The following DNAH14 variants were observed in gnomAD, a reference collection of about 807,000 sequenced individuals.
DNAH14 encodes the protein axonemal beta dynein heavy chain 14.
Under a neutral mutation model 520.9 loss-of-function variants are expected in DNAH14, and 478 were observed. The observed-to-expected ratio is 0.92, with a 90% CI of 0.85 to 0.99. The LOEUF (loss-of-function observed/expected upper bound fraction) is 0.99, where lower values mean the gene tolerates loss of function less well. Ranked by LOEUF, DNAH14 falls within the 50% of genes least tolerant of loss-of-function variation. The pLI, the probability that DNAH14 is intolerant of heterozygous loss-of-function variation, is 0.00. For synonymous variants in DNAH14, 1,581 were observed against 1,757.2 expected (o/e 0.90, Z 2.51); for missense variants, 4,831 against 5,234.5 (o/e 0.92, Z 2.38).
intron 27 of DNAH14, among the ~76,000 whole-genome samples, chr1:225,128,795 C>T (rs756680833): frequency 0.011 from 1,708 of 151,930 alleles, 17 homozygotes; most frequent in Non-Finnish European, 0.016. Flanking sequence ...CTATTCAACA[C>T]AGTGTTGGAA....
chr1:225,331,671 C>A, intron 65 of DNAH14, 94 bp downstream of exon 65: 5 of 1,452,650 alleles, frequency 3.4e-6, no homozygotes, highest in South Asian at 1.3e-5. Context: ...GTATCATATA[C>A]CTTCTAAAAC....
chr1:225,269,109 T>C (rs1190888663), intron 49 of DNAH14, among the ~76,000 whole-genome samples: 1 of 152,166 alleles, frequency 6.6e-6, no homozygotes, highest in Non-Finnish European at 1.5e-5. Flanking sequence ...CAAAACAGCA[T>C]CGTGCTGGTA....
intron 55 of DNAH14, among the ~76,000 whole-genome samples, chr1:225,296,901 T>G (rs893985805): frequency 7.9e-5 from 12 of 152,160 alleles, no homozygotes; most frequent in African/African-American, 2.9e-4. Flanking sequence ...TCTTGCCATT[T>G]TTAGAATCTT....
At chr1:225,198,145 C>T (rs1333720611) in intron 38 of DNAH14, among the ~76,000 whole-genome samples, 1 of 152,048 alleles carries the variant, frequency 6.6e-6, no homozygotes, top group Non-Finnish European at 1.5e-5. Context: ...TCAACTTTTT[C>T]CCACTCACTA....
At chr1:224,948,188 G>A (rs2059965121) in intron 1 of DNAH14, among the ~76,000 whole-genome samples, 1 of 150,590 alleles carries the variant, frequency 6.6e-6, no homozygotes, top group Admixed American at 6.6e-5. Context: ...TCTCCCTATG[G>A]TTCTTTCAGT....
chr1:225,140,738 T>TA (rs770942314), intron 27 of DNAH14, 30 bp from the exon 28 acceptor site: 37 of 1,338,350 alleles, frequency 2.8e-5, no homozygotes, highest in South Asian at 2.5e-4. Flanking sequence ...TAGAGAGAGA[T>TA]ATATATATAA....
intron 42 of DNAH14, among the ~76,000 whole-genome samples, chr1:225,235,879 A>G (rs1283012265): frequency 6.6e-6 from 1 of 152,076 alleles, no homozygotes; most frequent in Non-Finnish European, 1.5e-5. Context: ...GGAGTCATTG[A>G]TGATATTCCC....
intron 54 of DNAH14, among the ~76,000 whole-genome samples, chr1:225,288,376 G>T (rs1198397689): frequency 6.6e-6 from 1 of 152,142 alleles, no homozygotes; most frequent in South Asian, 2.1e-4. Context: ...AGCTTAAGGA[G>T]ATTTGGCTGC....
intron 38 of DNAH14, among the ~76,000 whole-genome samples, chr1:225,194,829 A>T (rs982970808): frequency 2.0e-5 from 3 of 151,470 alleles, no homozygotes; most frequent in African/African-American, 7.2e-5. Flanking sequence ...AGAAAAAAAC[A>T]TCCCCACTAA....
chr1:225,390,192 C>T (rs1052730022), intron 83 of DNAH14, among the ~76,000 whole-genome samples: 2 of 152,116 alleles, frequency 1.3e-5, no homozygotes, highest in African/African-American at 2.4e-5. Context: ...CTCCAAAGGC[C>T]GTGACAAAGG....
chr1:224,931,279 A>G (rs1241820431), intron 1 of DNAH14, among the ~76,000 whole-genome samples: 1 of 152,236 alleles, frequency 6.6e-6, no homozygotes, highest in Non-Finnish European at 1.5e-5. Context: ...GTGTTATTAC[A>G]AAAGAGTAAG....
intron 38 of DNAH14, among the ~76,000 whole-genome samples, chr1:225,203,899 T>C (rs887558755): frequency 1.3e-5 from 2 of 152,260 alleles, no homozygotes; most frequent in Non-Finnish European, 2.9e-5. Flanking sequence ...AAAGAACTTT[T>C]GCTTTCTTGT....
In DNAH14 at chr1:225,308,360, G is replaced by C. The variant is rs2094292462; in HGVS notation, c.9190G>C (p.Asp3064His). 2.6e-6 allele frequency: 4 copies of C among 1,543,144 alleles called. No homozygotes were observed. The highest frequency in any genetic ancestry group is 3.5e-6 in the Non-Finnish European group (4 of 1,144,692). Residue 3064 changes from aspartate (D) to histidine (H), a missense_variant, in exon 60 of 86, where the codon GAT (aspartate) becomes CAT (histidine). Coordinates refer to ENST00000682510, the MANE Select transcript of DNAH14 (RefSeq NM_001367479.1). ...GAAAGTTCAGATGCTTGTTAAACAG[G>C]ATGAAGAAATTGTGGCAGAAGAAGT... Reference protein sequence around the residue: ...VEKVQMLVKQDEEIVAEEVRI... With the variant: ...VEKVQMLVKQHEEIVAEEVRI...
At chr1:225,240,530 T>A in intron 42 of DNAH14, 63 bp from the exon 43 acceptor site, 1 of 997,312 alleles carries the variant, frequency 1.0e-6, no homozygotes, top group Non-Finnish European at 1.5e-6. Flanking sequence ...TAAAGTAAAT[T>A]TCTATTCTTA....
intron 27 of DNAH14, among the ~76,000 whole-genome samples, chr1:225,137,679 C>T (rs1403323021): frequency 6.6e-6 from 1 of 152,048 alleles, no homozygotes; most frequent in Non-Finnish European, 1.5e-5. Flanking sequence ...TTTAACAGGC[C>T]ACTCTACCAT....
chr1:225,107,171 A>T (rs1383693912), intron 23 of DNAH14, among the ~76,000 whole-genome samples: 1 of 152,212 alleles, frequency 6.6e-6, no homozygotes, highest in Non-Finnish European at 1.5e-5. Flanking sequence ...GGGTATCAGC[A>T]GCGGAGGCTG....
At chr1:225,220,592 C>T (rs972487197) in intron 41 of DNAH14, among the ~76,000 whole-genome samples, 4 of 152,248 alleles carry the variant, frequency 2.6e-5, no homozygotes, top group South Asian at 2.1e-4. Flanking sequence ...ATACAACTTA[C>T]AAGGGATGTG....
intron 75 of DNAH14, among the ~76,000 whole-genome samples, chr1:225,363,410 G>C (rs1274899399): frequency 6.6e-6 from 1 of 152,076 alleles, no homozygotes; most frequent in Non-Finnish European, 1.5e-5. Context: ...TTTGTTGTCT[G>C]TTTATTTAGA....
At chr1:224,996,069 T>C (rs945129814) in intron 8 of DNAH14, among the ~76,000 whole-genome samples, 1 of 152,164 alleles carries the variant, frequency 6.6e-6, no homozygotes, top group Non-Finnish European at 1.5e-5. Context: ...GCTTTGTTAG[T>C]TTCTTTGGGA....
Sources: gnomAD v4.1 joint callset for allele counts (sites outside exome capture counted in the v4.1 genomes callset) on GRCh38, gnomAD v4.1.1 for gene constraint, MANE v1.5 for transcripts, NCBI Gene and HGNC (gene_info 2026-07-23, HGNC 2026-07-21) for gene names.